Variants in SCAF8 observed in about 807,000 individuals in gnomAD.
The protein encoded by SCAF8 is SR-related and CTD-associated factor 8.
SCAF8 carries 23 observed loss-of-function variants against 140.5 expected under a neutral mutation model. The ratio of observed to expected loss-of-function variants is 0.16; its 90% CI spans 0.12 to 0.23. The LOEUF is 0.23. Among genes scored for constraint, SCAF8 ranks in the 10% least tolerant of loss-of-function variants. The pLI is 1.00. For synonymous variants in SCAF8, 575 were observed against 528.9 expected (o/e 1.09, Z -1.20); for missense variants, 1,397 against 1,555.7 (o/e 0.90, Z 1.72).
At chr6:154,737,411 C>T (rs1352206017) in intron 1 of SCAF8, among the ~76,000 whole-genome samples, 4 of 152,164 alleles carry the variant, frequency 2.6e-5, no homozygotes, top group Non-Finnish European at 5.9e-5. Flanking sequence ...CTCGATGGGT[C>T]ATGCCTGTAA....
intron 3 of SCAF8, among the ~76,000 whole-genome samples, chr6:154,781,085 T>TGTGCCCCAAAACTC: frequency 6.6e-6 from 1 of 152,260 alleles, no homozygotes; most frequent in Non-Finnish European, 1.5e-5. Flanking sequence ...TGAGAGTTTA[T>TGTGCCCCAAAACTC]CTCGTTGTTT....
chr6:154,828,718 T>C (rs1778640779), intron 18 of SCAF8, among the ~76,000 whole-genome samples: 1 of 152,178 alleles, frequency 6.6e-6, no homozygotes, highest in Non-Finnish European at 1.5e-5. Flanking sequence ...TCAGTCTGGG[T>C]ACTAGATTCT....
chr6:154,802,565 C>T (rs1777801356), intron 7 of SCAF8, among the ~76,000 whole-genome samples: 1 of 151,516 alleles, frequency 6.6e-6, no homozygotes, highest in African/African-American at 2.4e-5. Context: ...TGCAGTGAGC[C>T]AAGATTGAGC....
At chr6:154,817,945 G>T (rs987755760) in intron 13 of SCAF8, among the ~76,000 whole-genome samples, 1 of 152,042 alleles carries the variant, frequency 6.6e-6, no homozygotes, top group Non-Finnish European at 1.5e-5. Context: ...ACAAAATAAA[G>T]TTTTATAAGA....
chr6:154,810,679 A>G (rs1163424545), intron 12 of SCAF8, among the ~76,000 whole-genome samples: 4 of 152,210 alleles, frequency 2.6e-5, no homozygotes, highest in Non-Finnish European at 5.9e-5. Flanking sequence ...ATGTTAGTCA[A>G]TTACGTATGA....
chr6:154,782,929 GCACCCT>G (rs975663100), intron 3 of SCAF8, among the ~76,000 whole-genome samples: 1 of 152,088 alleles, frequency 6.6e-6, no homozygotes, highest in African/African-American at 2.4e-5. Context: ...TCCTTTGGCA[GCACCCT>G]CACAGACACA....
intron 1 of SCAF8, among the ~76,000 whole-genome samples, chr6:154,754,731 C>T (rs899166528): frequency 2.6e-5 from 4 of 152,176 alleles, no homozygotes; most frequent in African/African-American, 7.2e-5. Context: ...CTTCCTTAGG[C>T]CTTGTAGGCT....
chr6:154,740,658 C>T (rs1198549430), intron 1 of SCAF8, among the ~76,000 whole-genome samples: 3 of 138,310 alleles, frequency 2.2e-5, no homozygotes, highest in South Asian at 2.2e-4. Context: ...GTCTTGCTGT[C>T]ATCGAGGCTC....
At chr6:154,737,741 G>A (rs377592035) in intron 1 of SCAF8, among the ~76,000 whole-genome samples, 1 of 151,956 alleles carries the variant, frequency 6.6e-6, no homozygotes. Context: ...AGGTCACCAC[G>A]CCGGGCTAAT....
chr6:154,800,692 A>G (rs917049293), intron 6 of SCAF8, among the ~76,000 whole-genome samples: 3 of 151,394 alleles, frequency 2.0e-5, no homozygotes, highest in African/African-American at 4.8e-5. Flanking sequence ...CTTTCTGAAA[A>G]TACAATAGAA....
intron 1 of SCAF8, among the ~76,000 whole-genome samples, chr6:154,750,772 T>G (rs1778817675): frequency 6.6e-6 from 1 of 152,228 alleles, no homozygotes; most frequent in African/African-American, 2.4e-5. Flanking sequence ...AATTGTGCAT[T>G]TAAAGACTCC....
chr6:154,804,036 AT>A (rs113754395), intron 8 of SCAF8, among the ~76,000 whole-genome samples: 32 of 147,838 alleles, frequency 2.2e-4, no homozygotes, highest in Admixed American at 3.4e-4. Flanking sequence ...AGTTATGAGG[AT>A]TTTTTTTTTT....
intron 9 of SCAF8, among the ~76,000 whole-genome samples, chr6:154,806,830 G>A (rs3800002): frequency 0.6 from 91,867 of 151,960 alleles, 30,454 homozygotes; most frequent in East Asian, 0.91. Flanking sequence ...TCAAGCAAAT[G>A]TATCTGCCTG....
At chr6:154,820,409 A>C (rs1350198390) in intron 15 of SCAF8, 76 bp downstream of exon 15, 1 of 1,210,332 alleles carries the variant, frequency 8.3e-7, no homozygotes, top group African/African-American at 1.5e-5. Context: ...ATTTGGGATG[A>C]CAGCGTTAAC....
intron 8 of SCAF8, among the ~76,000 whole-genome samples, chr6:154,803,894 T>C (rs920409410): frequency 6.6e-6 from 1 of 152,214 alleles, no homozygotes; most frequent in Non-Finnish European, 1.5e-5. Context: ...TATTAGGCTT[T>C]AAGTTATTTA....
At chr6:154,770,534 G>A (rs558821416) in intron 1 of SCAF8, among the ~76,000 whole-genome samples, 1 of 151,750 alleles carries the variant, frequency 6.6e-6, no homozygotes, top group Non-Finnish European at 1.5e-5. Flanking sequence ...TTATGCCACT[G>A]TACCACTCCA....
At position 154,833,848 on chromosome 6, in the gene SCAF8, G is replaced by A. The variant is rs1306801054; in HGVS notation, c.*453G>A. The A allele has an allele frequency of 6.5e-6, 1 of 154,522 alleles. No individual in the cohort carries two copies. The allele number at this position is 154,522 out of a possible 1,614,324, so 9.6% of individuals were successfully genotyped here. ...TATTTTATGCAAAGACTGGCTCTAGGTATTTGAGGAGCACAATACAGAGAT... is the reference window on the plus strand; with the variant it reads ...TATTTTATGCAAAGACTGGCTCTAGATATTTGAGGAGCACAATACAGAGAT... On this transcript the variant is annotated 3_prime_UTR_variant, in exon 20 of 20. Transcript: ENST00000367178.
intron 18 of SCAF8, among the ~76,000 whole-genome samples, chr6:154,829,356 T>C (rs985969016): frequency 6.6e-6 from 1 of 152,030 alleles, no homozygotes; most frequent in African/African-American, 2.4e-5. Flanking sequence ...AATATAGACA[T>C]TTATTCATTT....
intron 1 of SCAF8, among the ~76,000 whole-genome samples, chr6:154,734,476 A>C (rs1778355533): frequency 6.6e-6 from 1 of 152,176 alleles, no homozygotes; most frequent in African/African-American, 2.4e-5. Flanking sequence ...ACTTGAGCTA[A>C]TTGGATGGTT....
Sources: allele counts gnomAD v4.1 joint callset (sites outside exome capture counted in the v4.1 genomes callset), GRCh38; gene constraint gnomAD v4.1.1; transcripts MANE v1.5; gene names NCBI Gene and HGNC (gene_info 2026-07-23, HGNC 2026-07-21).